The following MAST2 variants were observed in gnomAD, a reference collection of about 807,000 sequenced individuals.
MAST2 encodes microtubule associated serine/threonine kinase 2.
A neutral mutation model predicts 147.4 loss-of-function variants in MAST2; 70 were observed. The observed-to-expected ratio is 0.47, with a 90% CI of 0.39 to 0.58. The LOEUF (loss-of-function observed/expected upper bound fraction) is 0.58, where lower values mean the gene tolerates loss of function less well. MAST2 is among the 20% of genes least tolerant of loss of function. MAST2 has a pLI of 0.00. For missense variants in MAST2, 2,080 were observed against 2,302.3 expected (o/e 0.90, Z 1.98); for synonymous variants, 869 against 896.8 (o/e 0.97, Z 0.55).
In MAST2 at chr1:46,035,296, G is replaced by C. The variant is rs1265569690; in HGVS notation, c.4627G>C (p.Glu1543Gln). Residue 1543 changes from glutamate to glutamine, a missense_variant, in exon 29 of 29, where the codon GAA (glutamate) becomes CAA (glutamine). Glu to Gln is a conservative substitution (Grantham distance 29). Coordinates refer to ENST00000361297, the MANE Select transcript of MAST2 (RefSeq NM_015112.3). This position sits in a 1 kb window ranked among gnomAD's most constrained non-coding sequence, Gnocchi z 5.5. Reference protein sequence around the residue: ...VAPKGAGESGEEDPFPSRDPR... With the variant: ...VAPKGAGESGQEDPFPSRDPR... ...CCCTAAAGGAGCAGGAGAGAGTGGG[G>C]AAGAGGATCCTTTCCCGTCCAGAGA... 6.2e-7 allele frequency: 1 copy of C among 1,613,842 alleles called. No homozygotes were observed. Among genetic ancestry groups the C allele is most frequent in the African/African-American group, 1.3e-5 (1 of 74,902 alleles).
chr1:45,852,254 T>G (rs966547932), intron 3 of MAST2, among the ~76,000 whole-genome samples: 1 of 152,226 alleles, frequency 6.6e-6, no homozygotes, highest in Non-Finnish European at 1.5e-5. Context: ...AGAACCGTAC[T>G]GTCATTACAA....
At chr1:46,002,692 G>A (rs1388926169) in intron 6 of MAST2, 113 bp from the exon 7 acceptor site, 1 of 832,768 alleles carries the variant, frequency 1.2e-6, no homozygotes, top group Non-Finnish European at 2.1e-6. Context: ...AATGTCTTAA[G>A]GAGGAGCCCT....
chr1:46,030,874 T>G (rs1646632738), intron 22 of MAST2, 113 bp downstream of exon 22: 1 of 1,469,172 alleles, frequency 6.8e-7, no homozygotes, highest in African/African-American at 1.4e-5. Flanking sequence ...GAGGGGGCAT[T>G]CACAAGGGTG....
Position 46,027,650 on chromosome 1 carries a change from G to A in MAST2, c.1920-81G>A, listed in dbSNP as rs572481969. ...ACAGTACCCCCATGGAAGCCTGAGT[G>A]GGGAAACTGGGCATATACTAAAATC... On this transcript the variant is annotated intron_variant, in intron 16 of 28. Coordinates refer to ENST00000361297, the MANE Select transcript of MAST2 (RefSeq NM_015112.3). The A allele has an allele frequency of 2.7e-6, 4 of 1,471,172 alleles. No homozygotes were observed. In the African/African-American group the frequency reaches 5.6e-5, roughly 21 times the overall value. 91.1% of individuals were successfully genotyped at this position (1,471,172 alleles called of 1,614,324 possible).
At chr1:45,930,391 T>TTCTTGTTTTG (rs1553235600) in intron 4 of MAST2, among the ~76,000 whole-genome samples, 1 of 147,164 alleles carries the variant, frequency 6.8e-6, no homozygotes, top group Admixed American at 6.9e-5. Context: ...TTTTTTGTTT[T>TTCTTGTTTTG]TTTTGTTTTG....
intron 4 of MAST2, among the ~76,000 whole-genome samples, chr1:45,936,261 C>T (rs946404026): frequency 5.3e-5 from 8 of 152,136 alleles, no homozygotes; most frequent in African/African-American, 1.9e-4. Context: ...TGAAACTTTG[C>T]TGAAGTTTAT....
At position 46,020,251 on chromosome 1, in the gene MAST2, A is replaced by G. The variant is rs1287673530; in HGVS notation, c.1290+554A>G. On this transcript the variant is annotated intron_variant, in intron 11 of 28. Coordinates refer to ENST00000361297, the MANE Select transcript of MAST2 (RefSeq NM_015112.3). ...AGTGCTTTAGTCTTCCCTGGAAGGA[A>G]CATTCAGTGAATGCTCCCTGGGGGA... 4.6e-5 allele frequency among the ~76,000 whole-genome samples: 7 copies of G among 152,212 alleles called. No homozygotes were observed. In the South Asian group the frequency reaches 1.4e-3, roughly 32 times the overall value.
intron 5 of MAST2, among the ~76,000 whole-genome samples, chr1:45,977,727 G>A (rs1644227544): frequency 6.6e-6 from 1 of 151,186 alleles, no homozygotes; most frequent in South Asian, 2.1e-4. Context: ...TTGAACCCAG[G>A]AGGCGGAGGT....
intron 4 of MAST2, among the ~76,000 whole-genome samples, chr1:45,939,043 A>G (rs932345948): frequency 6.6e-6 from 1 of 152,054 alleles, no homozygotes; most frequent in Non-Finnish European, 1.5e-5. Flanking sequence ...TTGAAATGCA[A>G]AAATTGATAA....
At chr1:45,952,041 G>T (rs563060824) in intron 4 of MAST2, among the ~76,000 whole-genome samples, 1 of 152,164 alleles carries the variant, frequency 6.6e-6, no homozygotes, top group South Asian at 2.1e-4. Flanking sequence ...GAACCCTCAA[G>T]AATTCACTAA....
intron 6 of MAST2, among the ~76,000 whole-genome samples, chr1:46,000,473 T>TC (rs1395719901): frequency 1.3e-5 from 2 of 152,286 alleles, no homozygotes; most frequent in South Asian, 2.1e-4. Flanking sequence ...AACAGCCTGT[T>TC]CCATTGATAC....
intron 3 of MAST2, among the ~76,000 whole-genome samples, chr1:45,877,783 C>T (rs1478863269): frequency 6.6e-6 from 1 of 151,976 alleles, no homozygotes; most frequent in Non-Finnish European, 1.5e-5. Flanking sequence ...AGGAGACCGG[C>T]ATAATTGTGA....
chr1:46,030,491 G>A (rs1646604445), intron 21 of MAST2, 116 bp from the exon 22 acceptor site: 2 of 1,240,272 alleles, frequency 1.6e-6, no homozygotes, highest in Non-Finnish European at 2.2e-6. Context: ...GGTGTGTGAA[G>A]GAGGGATGGA....
chr1:46,010,621 A>T, intron 9 of MAST2, 109 bp from the exon 10 acceptor site: 1 of 878,466 alleles, frequency 1.1e-6, no homozygotes, highest in Non-Finnish European at 1.8e-6. Flanking sequence ...GTTTAAGGAA[A>T]CCAGGATCAG....
At position 46,022,906 on chromosome 1, in the gene MAST2, C is replaced by G; in HGVS notation, c.1424-4C>G. 1 of 1,613,496 alleles carries G rather than the reference C, an allele frequency of 6.2e-7. No individual in the cohort carries two copies. The highest frequency in any genetic ancestry group is 8.5e-7 in the Non-Finnish European group (1 of 1,179,444). Reference sequence around the variant, plus strand: ...ACATTCTTCTCTTGTATCTTTGTTTCCAGAAATGGCCCAGTTGAGCAGCTG... The same window carrying G: ...ACATTCTTCTCTTGTATCTTTGTTTGCAGAAATGGCCCAGTTGAGCAGCTG... On this transcript the variant is annotated splice_polypyrimidine_tract_variant and splice_region_variant and intron_variant, in intron 12 of 28. Coordinates refer to ENST00000361297, the MANE Select transcript of MAST2 (RefSeq NM_015112.3).
intron 4 of MAST2, among the ~76,000 whole-genome samples, chr1:45,909,391 C>T (rs1030891717): frequency 2.0e-5 from 3 of 152,100 alleles, no homozygotes; most frequent in Non-Finnish European, 4.4e-5. Context: ...TACGTTAAAC[C>T]TATAAATTTT....
At chr1:45,974,119 A>G (rs1644038107) in intron 5 of MAST2, among the ~76,000 whole-genome samples, 1 of 152,168 alleles carries the variant, frequency 6.6e-6, no homozygotes. Flanking sequence ...ATGCAAGAGA[A>G]AGGAGAATGG....
intron 10 of MAST2, among the ~76,000 whole-genome samples, chr1:46,011,487 G>A (rs186605631): frequency 2.6e-5 from 4 of 152,316 alleles, no homozygotes; most frequent in Admixed American, 6.5e-5. Context: ...ATCCAGAGAT[G>A]GCCAAGACCA....
At chr1:45,861,118 C>G (rs1053787858) in intron 3 of MAST2, among the ~76,000 whole-genome samples, 2 of 152,208 alleles carry the variant, frequency 1.3e-5, no homozygotes, top group Non-Finnish European at 2.9e-5. Flanking sequence ...TCTATTAAAT[C>G]TTTTCTTCCT....
Sources: allele counts gnomAD v4.1 joint callset (sites outside exome capture counted in the v4.1 genomes callset), GRCh38; gene constraint gnomAD v4.1.1; non-coding constraint Gnocchi (gnomAD v3.1); transcripts MANE v1.5; gene names NCBI Gene and HGNC (gene_info 2026-07-23, HGNC 2026-07-21).